Variants in KIAA1328 observed in about 807,000 individuals in gnomAD.
KIAA1328 encodes KIAA1328.
A neutral mutation model predicts 68.1 loss-of-function variants in KIAA1328; 52 were observed. The ratio of observed to expected loss-of-function variants is 0.76; its 90% CI spans 0.61 to 0.96. The LOEUF is 0.96. KIAA1328 is among the 40% of genes least tolerant of loss of function. The probability of loss-of-function intolerance (pLI) is 0.00; values close to 1 mark genes in which losing one functional copy is unlikely to be tolerated. For synonymous variants in KIAA1328, 232 were observed against 239.4 expected (o/e 0.97, Z 0.28); for missense variants, 641 against 677.6 (o/e 0.95, Z 0.60).
At chr18:37,074,577 G>A (rs1367807874) in intron 7 of KIAA1328, among the ~76,000 whole-genome samples, 5 of 151,984 alleles carry the variant, frequency 3.3e-5, no homozygotes, top group Non-Finnish European at 4.4e-5. Flanking sequence ...TCTTCCAGTT[G>A]ATCGCATCGG....
chr18:37,121,626 G>A (rs1171527164), intron 7 of KIAA1328, among the ~76,000 whole-genome samples: 1 of 152,042 alleles, frequency 6.6e-6, no homozygotes, highest in Non-Finnish European at 1.5e-5. Flanking sequence ...TTAGCTGTAG[G>A]TGAATTACTT....
chr18:37,033,929 C>T (rs551182020), intron 6 of KIAA1328, among the ~76,000 whole-genome samples: 10 of 152,268 alleles, frequency 6.6e-5, no homozygotes, highest in Admixed American at 2.6e-4. Flanking sequence ...AATAGCTGAA[C>T]GTATAAAATG....
At chr18:37,007,751 G>A (rs867048352) in intron 6 of KIAA1328, among the ~76,000 whole-genome samples, 1 of 152,074 alleles carries the variant, frequency 6.6e-6, no homozygotes, top group African/African-American at 2.4e-5. Flanking sequence ...AATAAAGCAT[G>A]AAGAACTTCC....
At chr18:36,983,001 A>G (rs1272807732) in intron 6 of KIAA1328, among the ~76,000 whole-genome samples, 1 of 152,028 alleles carries the variant, frequency 6.6e-6, no homozygotes, top group Non-Finnish European at 1.5e-5. Context: ...AAATAGATGA[A>G]CAAAGGGGAT....
chr18:37,082,598 C>T (rs981347063), intron 7 of KIAA1328, among the ~76,000 whole-genome samples: 1 of 152,192 alleles, frequency 6.6e-6, no homozygotes, highest in African/African-American at 2.4e-5. Flanking sequence ...AAATGAGTAG[C>T]ACAGAATTGT....
chr18:36,947,667 A>G (rs890079087), intron 5 of KIAA1328, among the ~76,000 whole-genome samples: 1 of 152,176 alleles, frequency 6.6e-6, no homozygotes, highest in African/African-American at 2.4e-5. Context: ...TTTTCTGTTC[A>G]AATGTTTCAA....
intron 5 of KIAA1328, among the ~76,000 whole-genome samples, chr18:36,932,534 T>G (rs547299755): frequency 1.3e-5 from 2 of 152,314 alleles, no homozygotes; most frequent in South Asian, 2.1e-4. Flanking sequence ...AAGATTTTAT[T>G]TAAGTATTTC....
At chr18:36,931,531 T>C (rs2050310721) in intron 5 of KIAA1328, among the ~76,000 whole-genome samples, 1 of 152,090 alleles carries the variant, frequency 6.6e-6, no homozygotes, top group African/African-American at 2.4e-5. Flanking sequence ...ATGAAACCGG[T>C]CCTTGATGCC....
At chr18:36,883,319 G>A (rs2048381078) in intron 4 of KIAA1328, among the ~76,000 whole-genome samples, 1 of 152,146 alleles carries the variant, frequency 6.6e-6, no homozygotes, top group South Asian at 2.1e-4. Flanking sequence ...TATGTGACAG[G>A]TCACAGTCAG....
chr18:36,985,798 T>G lies in KIAA1328; in HGVS notation c.576+26363T>G, dbSNP rs80193503. On this transcript the variant is annotated intron_variant, in intron 6 of 9. Coordinates refer to ENST00000280020, the MANE Select transcript of KIAA1328 (RefSeq NM_020776.3). ...AAAAATCTTTGCAGCCGTGGATTAG[T>G]CATAGATTATTAGATACAACACCAG... Among the ~76,000 whole-genome samples the G allele has an allele frequency of 4.8e-4, 73 of 152,270 alleles. No homozygotes were observed. In the East Asian group the frequency reaches 0.014, roughly 29 times the overall value.
intron 5 of KIAA1328, among the ~76,000 whole-genome samples, chr18:36,924,308 C>CT (rs2050034509): frequency 6.6e-6 from 1 of 152,080 alleles, no homozygotes; most frequent in African/African-American, 2.4e-5. Flanking sequence ...AGCTCACTCT[C>CT]TAACAGCCAA....
chr18:36,832,392 C>T (rs2046521746), intron 1 of KIAA1328, among the ~76,000 whole-genome samples: 1 of 151,840 alleles, frequency 6.6e-6, no homozygotes, highest in African/African-American at 2.4e-5. Context: ...CAAAACCAGT[C>T]TGGCCAACAT....
chr18:37,216,981 TTTTTTTTTGTTTG>T (rs1345128409), intron 9 of KIAA1328, among the ~76,000 whole-genome samples: 40 of 132,810 alleles, frequency 3.0e-4, no homozygotes, highest in African/African-American at 5.5e-4. Context: ...TTTTTTTTGT[TTTTTTTTTGTTTG>T]TTTTTTTTTT....
rs551927406 is a variant in KIAA1328, at chr18:37,223,674, G to T, written c.*1447G>T. 2 of 985,366 alleles carry T rather than the reference G, an allele frequency of 2.0e-6. No individual in the cohort carries two copies. Among genetic ancestry groups the T allele is most frequent in the East Asian group, 1.1e-4 (1 of 8,800 alleles). 61.0% of individuals were successfully genotyped at this position (985,366 alleles called of 1,614,324 possible). A position where few individuals can be genotyped will look rare whatever the true frequency, so the allele number is the denominator to read the frequency against. ...CAGCCTGCATGCAGCGAGTCTGCGTGGCTTCCCTGAATTACTCTTTTAATT... is the reference window on the plus strand; with the variant it reads ...CAGCCTGCATGCAGCGAGTCTGCGTTGCTTCCCTGAATTACTCTTTTAATT... On this transcript the variant is annotated 3_prime_UTR_variant, in exon 10 of 10. Coordinates refer to ENST00000280020, the MANE Select transcript of KIAA1328 (RefSeq NM_020776.3).
In KIAA1328 at chr18:37,092,110, A is replaced by G. The variant is rs550324986; in HGVS notation, c.1232+24565A>G. On this transcript the variant is annotated intron_variant, in intron 7 of 9. Transcript: ENST00000280020. ...CACCCACCTGTCACAGCTGTTGCCA[A>G]CATGCACCATTGGGAGATCTGAGGA... is the stretch of plus-strand genomic sequence containing the variant. Among the ~76,000 whole-genome samples, 66 of 152,182 alleles carry G rather than the reference A, an allele frequency of 4.3e-4. 1 individual carries two copies. The highest frequency in any genetic ancestry group is 1.5e-3 in the African/African-American group (62 of 41,550).
chr18:37,041,914 C>T (rs1351194835), intron 6 of KIAA1328, among the ~76,000 whole-genome samples: 1 of 151,994 alleles, frequency 6.6e-6, no homozygotes, highest in Non-Finnish European at 1.5e-5. Context: ...TTTTTTGAGA[C>T]AGGGACTTGC....
chr18:36,976,945 A>T (rs1456589433), intron 6 of KIAA1328, among the ~76,000 whole-genome samples: 2 of 152,210 alleles, frequency 1.3e-5, no homozygotes, highest in African/African-American at 4.8e-5. Flanking sequence ...ATTTCATTTC[A>T]TACGGAGTAT....
chr18:37,051,790 C>T (rs1010786265), intron 6 of KIAA1328, among the ~76,000 whole-genome samples: 1 of 151,998 alleles, frequency 6.6e-6, no homozygotes, highest in African/African-American at 2.4e-5. Flanking sequence ...CCACTGTAAT[C>T]CCAGCACTTT....
At chr18:36,933,940 C>T (rs1010024027) in intron 5 of KIAA1328, among the ~76,000 whole-genome samples, 2 of 152,274 alleles carry the variant, frequency 1.3e-5, no homozygotes, top group East Asian at 1.9e-4. Context: ...GGGGGATAGG[C>T]GCCTGTGGCC....
Sources: gnomAD v4.1 joint callset for allele counts (sites outside exome capture counted in the v4.1 genomes callset) on GRCh38, gnomAD v4.1.1 for gene constraint, MANE v1.5 for transcripts, NCBI Gene and HGNC (gene_info 2026-07-23, HGNC 2026-07-21) for gene names.